The following PAX1 variants were observed in gnomAD, a reference collection of about 807,000 sequenced individuals.
PAX1 encodes paired box protein Pax-1.
Under a neutral mutation model 35.6 loss-of-function variants are expected in PAX1, and 18 were observed. The observed-to-expected ratio is 0.50, with a 90% CI of 0.35 to 0.75. The LOEUF is 0.75. PAX1 is among the 30% of genes least tolerant of loss of function. The pLI is 0.01. For missense variants in PAX1, 760 were observed against 661.5 expected (o/e 1.15, Z -1.63); for synonymous variants, 397 against 305.2 (o/e 1.30, Z -3.14).
At chr20:21,708,391 G>C (rs1985083602) in intron 2 of PAX1, 167 bp from the exon 3 acceptor site, 1 of 818,958 alleles carries the variant, frequency 1.2e-6, no homozygotes. Context: ...GCCCCACCCG[G>C]AGTGGTGAAC....
intron 4 of PAX1, among the ~76,000 whole-genome samples, chr20:21,713,187 T>A (rs901047169): frequency 1.3e-5 from 2 of 152,192 alleles, no homozygotes; most frequent in African/African-American, 4.8e-5. Context: ...CTCAGATGTT[T>A]TCTAAACAGG....
chr20:21,714,161 A>C (rs956247721), intron 4 of PAX1, among the ~76,000 whole-genome samples: 3 of 151,950 alleles, frequency 2.0e-5, no homozygotes, highest in Non-Finnish European at 4.4e-5. Flanking sequence ...TCCTTTACTG[A>C]GCAGGTGGTG....
rs1325215892 is a variant in PAX1, at chr20:21,708,591, C to G, written c.950C>G (p.Ser317Cys). ...ALAGSEGTAYSPKMEDWAGVN... is the reference protein window; with the variant it reads ...ALAGSEGTAYCPKMEDWAGVN... ...GCTGGGAGCGAAGGCACCGCTTACT[C>G]TCCCAAGATGGAAGACTGGGCCGGC... Residue 317 changes from serine (S) to cysteine (C), a missense_variant, in exon 3 of 5, where the codon TCT (serine) becomes TGT (cysteine). Transcript: ENST00000613128. 1 of 1,613,708 alleles carries G rather than the reference C, an allele frequency of 6.2e-7. No homozygotes were observed. Among genetic ancestry groups the G allele is most frequent in the Admixed American group, 1.7e-5 (1 of 60,014 alleles).
Position 21,705,953 on chromosome 20 carries a change from C to A in PAX1, c.241C>A (p.Pro81Thr). 1 of 1,486,960 alleles carries A rather than the reference C, an allele frequency of 6.7e-7. No individual in the cohort carries two copies. The highest frequency in any genetic ancestry group is 8.9e-7 in the Non-Finnish European group (1 of 1,127,324). The allele number at this position is 1,486,960 out of a possible 1,614,324, so 92.1% of individuals were successfully genotyped here. A position where few individuals can be genotyped will look rare whatever the true frequency, so the allele number is the denominator to read the frequency against. ...CTGCGCCGGGCCCAGCCCCGGCCAC[C>A]CCGGCCACCCCGGCGCCAGGCAGCT... The part of the protein sequence containing the change: ...PDCAGPSPGH[P>T]GHPGARQLAG... Residue 81 changes from proline to threonine, a missense_variant, in exon 1 of 5, where the codon CCC (proline) becomes ACC (threonine). This residue lies in a region of PAX1 where 222 missense variants were observed against 153.0 expected (regional missense o/e 1.45). Transcript: ENST00000613128.
chr20:21,710,509 A>T (rs1010737273), intron 4 of PAX1, among the ~76,000 whole-genome samples: 1 of 152,260 alleles, frequency 6.6e-6, no homozygotes, highest in African/African-American at 2.4e-5. Flanking sequence ...TTCCCAGATT[A>T]TAAAAGGATT....
chr20:21,705,805 C>G lies in PAX1; in HGVS notation c.93C>G (p.Ser31Arg), dbSNP rs566925461. ...AAAAGPGAGG[S>R]ALRCRAQRVS... is the part of the protein sequence containing the mutation. ...CGGCAGGCCCTGGAGCGGGCGGCAG[C>G]GCGCTCCGCTGCCGCGCACAGCGCG... is the stretch of plus-strand genomic sequence containing the variant. Residue 31 changes from serine (S) to arginine (R), a missense_variant, in exon 1 of 5, where the codon AGC becomes AGG. By Grantham distance (110) the Ser-to-Arg change is moderately radical. This residue lies in a region of PAX1 where 222 missense variants were observed against 153.0 expected (regional missense o/e 1.45). Transcript: ENST00000613128. 3 of 1,279,702 alleles carry G rather than the reference C, an allele frequency of 2.3e-6. No homozygotes were observed. The African/African-American group carries it at 4.7e-5, about 20-fold the overall frequency. 79.3% of individuals were successfully genotyped at this position (1,279,702 alleles called of 1,614,324 possible).
At chr20:21,708,763 G>C in intron 3 of PAX1, 63 bp downstream of exon 3, 1 of 1,559,306 alleles carries the variant, frequency 6.4e-7, no homozygotes, top group Middle Eastern at 1.7e-4. Context: ...GGGCAAGTGG[G>C]GAAAAAGAGA....
At chr20:21,712,083 A>G (rs1985213227) in intron 4 of PAX1, among the ~76,000 whole-genome samples, 1 of 152,214 alleles carries the variant, frequency 6.6e-6, no homozygotes, top group Non-Finnish European at 1.5e-5. Flanking sequence ...ACCTTTGATC[A>G]CCTAACACAT....
chr20:21,706,932 T>C lies in PAX1; in HGVS notation c.781T>C (p.Ser261Pro). The C allele has an allele frequency of 1.2e-6, 2 of 1,612,638 alleles. No individual in the cohort carries two copies. Among genetic ancestry groups the C allele is most frequent in the Middle Eastern group, 1.7e-4 (1 of 6,058 alleles). The part of the protein sequence containing the change: ...IYQYPYPSPV[S>P]PTGAKMGSHP... ...CCAGTACCCCTACCCCAGTCCCGTG[T>C]CGCCCACGGGCGCCAAGATGGGCAG... is the stretch of plus-strand genomic sequence containing the variant. Residue 261 changes from serine (S) to proline (P), a missense_variant, in exon 2 of 5, where the codon TCG (serine) becomes CCG (proline). Around this residue, in one of 3 missense-constraint regions of PAX1, gnomAD observed 490 missense variants for 428.4 expected, o/e 1.14. Transcript: ENST00000613128. The surrounding 1 kb of genome is among the most constrained non-coding windows in gnomAD (Gnocchi z 5.3).
rs566558409 is a variant in PAX1, at chr20:21,705,983, G to T, written c.271G>T (p.Gly91Cys). The T allele has an allele frequency of 1.1e-5, 16 of 1,482,118 alleles. No homozygotes were observed. The Admixed American group carries it at 1.2e-4, about 11-fold the overall frequency. The allele number at this position is 1,482,118 out of a possible 1,614,324, so 91.8% of individuals were successfully genotyped here. ...CCACCCCGGCGCCAGGCAGCTGGCC[G>T]GCCCGCTCGCTATGGGTAAGGGGCG... ...PGHPGARQLAGPLAMEQTYGE... is the reference protein window; with the variant it reads ...PGHPGARQLACPLAMEQTYGE... Residue 91 changes from glycine (G) to cysteine (C), a missense_variant, in exon 1 of 5, where the codon GGC (glycine) becomes TGC (cysteine). By Grantham distance (159) the Gly-to-Cys change is radical (BLOSUM62 -3). Coordinates refer to ENST00000613128, the MANE Select transcript of PAX1 (RefSeq NM_001257096.2).
intron 4 of PAX1, among the ~76,000 whole-genome samples, chr20:21,710,826 C>A (rs1985177883): frequency 6.6e-6 from 1 of 152,140 alleles, no homozygotes; most frequent in Non-Finnish European, 1.5e-5. Context: ...GTTCACTTGC[C>A]TAGTTACAGA....
Position 21,709,236 on chromosome 20 carries a change from C to G in PAX1, c.1074C>G (p.Leu358=), listed in dbSNP as rs756905147. The G allele has an allele frequency of 5.2e-5, 84 of 1,606,480 alleles. No homozygotes were observed. The highest frequency in any genetic ancestry group is 7.0e-5 in the Non-Finnish European group (82 of 1,179,510). The change falls in exon 4 of 5, where the codon CTC becomes CTG. Residue 358 remains leucine (L), a synonymous_variant. Transcript: ENST00000613128. Reference sequence around the variant, plus strand: ...TATCCCCACAGTCGGCCTCCACCCTCTCTGCCGTGGGCGGCTTTCTCCCCG... The same window carrying G: ...TATCCCCACAGTCGGCCTCCACCCTGTCTGCCGTGGGCGGCTTTCTCCCCG... ...DIKYTQSAST[L]SAVGGFLPAC... is the part of the protein sequence containing the mutation.
Position 21,708,647 on chromosome 20 carries a change from G to A in PAX1, c.1006G>A (p.Ala336Thr). Residue 336 changes from alanine (A) to threonine (T), a missense_variant, in exon 3 of 5, where the codon GCA becomes ACA. Ala to Thr is a moderately conservative substitution (Grantham distance 58, BLOSUM62 0). Around this residue, in one of 3 missense-constraint regions of PAX1, gnomAD observed 490 missense variants for 428.4 expected, o/e 1.14. Transcript: ENST00000613128. Reference protein sequence around the residue: ...VNRTAFPATPAVNGLEKPALE... With the variant: ...VNRTAFPATPTVNGLEKPALE... ...CCGCACGGCCTTCCCCGCCACCCCCGCAGTGAATGGGCTAGAGAAACCTGC... is the reference window on the plus strand; with the variant it reads ...CCGCACGGCCTTCCCCGCCACCCCCACAGTGAATGGGCTAGAGAAACCTGC... 1 of 1,613,594 alleles carries A rather than the reference G, an allele frequency of 6.2e-7. No individual in the cohort carries two copies. The highest frequency in any genetic ancestry group is 1.3e-5 in the African/African-American group (1 of 75,068).
At position 21,706,679 on chromosome 20, in the gene PAX1, C is replaced by G; in HGVS notation, c.528C>G (p.Asn176Lys). ...GCAAGCCCCGCGTCACCACTCCCAA[C>G]GTGGTCAAGCACATCCGGGACTACA... ...GGSKPRVTTP[N>K]VVKHIRDYKQ... Residue 176 changes from asparagine to lysine, a missense_variant, in exon 2 of 5, where the codon AAC (asparagine) becomes AAG (lysine). By Grantham distance (94) the Asn-to-Lys change is moderately conservative (BLOSUM62 0). Around this residue, in one of 3 missense-constraint regions of PAX1, gnomAD observed 490 missense variants for 428.4 expected, o/e 1.14. Transcript: ENST00000613128. This position sits in a 1 kb window ranked among gnomAD's most constrained non-coding sequence, Gnocchi z 5.3. The G allele has an allele frequency of 2.5e-6, 4 of 1,613,106 alleles. No homozygotes were observed. Among genetic ancestry groups the G allele is most frequent in the Non-Finnish European group, 3.4e-6 (4 of 1,180,036 alleles).
chr20:21,708,593 C>T lies in PAX1; in HGVS notation c.952C>T (p.Pro318Ser), dbSNP rs748686130. Reference protein sequence around the residue: ...LAGSEGTAYSPKMEDWAGVNR... With the variant: ...LAGSEGTAYSSKMEDWAGVNR... The stretch of plus-strand genomic sequence containing the variant: ...TGGGAGCGAAGGCACCGCTTACTCT[C>T]CCAAGATGGAAGACTGGGCCGGCGT... Residue 318 changes from proline (P) to serine (S), a missense_variant, in exon 3 of 5, where the codon CCC becomes TCC. Pro to Ser is a moderately conservative substitution (Grantham distance 74). This residue lies in a region of PAX1 where 490 missense variants were observed against 428.4 expected (regional missense o/e 1.14). Coordinates refer to ENST00000613128, the MANE Select transcript of PAX1 (RefSeq NM_001257096.2). 1 of 1,613,830 alleles carries T rather than the reference C, an allele frequency of 6.2e-7. No homozygotes were observed. The highest frequency in any genetic ancestry group is 8.5e-7 in the Non-Finnish European group (1 of 1,180,028).
chr20:21,714,845 C>T lies in PAX1; in HGVS notation c.*283C>T, dbSNP rs985153770. The T allele has an allele frequency of 1.3e-6, 2 of 1,519,896 alleles. No individual in the cohort carries two copies. The highest frequency in any genetic ancestry group is 2.7e-5 in the African/African-American group (2 of 73,342). 94.2% of individuals were successfully genotyped at this position (1,519,896 alleles called of 1,614,324 possible). On this transcript the variant is annotated 3_prime_UTR_variant, in exon 5 of 5. Coordinates refer to ENST00000613128, the MANE Select transcript of PAX1 (RefSeq NM_001257096.2). ...CACAATCCTTGCTCTGACGTGGCCT[C>T]CTTCGCTCTGCCAGCTTCAAATTTC...
chr20:21,712,759 AGCACTAGGTCGCTGGCATTGTC>A (rs1238730541), intron 4 of PAX1, among the ~76,000 whole-genome samples: 1 of 152,210 alleles, frequency 6.6e-6, no homozygotes, highest in Non-Finnish European at 1.5e-5. Flanking sequence ...TTTGTCAAAG[AGCACTAGGTCGCTGGCATTGTC>A]GCACCCGGAC....
Position 21,715,740 on chromosome 20 carries a change from GT to G in PAX1, c.*1181del, listed in dbSNP as rs1386638143. The G allele has an allele frequency of 6.6e-6, 1 of 152,418 alleles. No homozygotes were observed. 9.4% of individuals were successfully genotyped at this position (152,418 alleles called of 1,614,324 possible). On this transcript the variant is annotated 3_prime_UTR_variant, in exon 5 of 5. Transcript: ENST00000613128. ...GTACAAAGGTTCATTTGGACTTCTG[GT>G]TTGCAAGGGATGAGGGTTAAAAAAA...
rs746556917 is a variant in PAX1, at chr20:21,706,531, C to A, written c.380C>A (p.Ala127Glu). ...NAIRLRIVELAQLGIRPCDIS... is the reference protein window; with the variant it reads ...NAIRLRIVELEQLGIRPCDIS... ...ATCCGCTTGCGCATTGTGGAGCTGGCGCAGCTGGGCATCCGACCCTGTGAC... is the reference window on the plus strand; with the variant it reads ...ATCCGCTTGCGCATTGTGGAGCTGGAGCAGCTGGGCATCCGACCCTGTGAC... The change falls in exon 2 of 5, where the codon GCG becomes GAG. Residue 127 changes from alanine (A) to glutamate (E), a missense_variant. Ala to Glu is a moderately radical substitution (Grantham distance 107). Coordinates refer to ENST00000613128, the MANE Select transcript of PAX1 (RefSeq NM_001257096.2). This position sits in a 1 kb window ranked among gnomAD's most constrained non-coding sequence, Gnocchi z 5.3. 3 of 1,612,244 alleles carry A rather than the reference C, an allele frequency of 1.9e-6. No homozygotes were observed. Among genetic ancestry groups the A allele is most frequent in the Non-Finnish European group, 2.5e-6 (3 of 1,179,976 alleles).
Sources: gnomAD v4.1 joint callset for allele counts (sites outside exome capture counted in the v4.1 genomes callset) on GRCh38, gnomAD v4.1.1 for gene constraint, gnomAD v4.1.1 regional missense constraint, Gnocchi (gnomAD v3.1) non-coding constraint, MANE v1.5 for transcripts, NCBI Gene and HGNC (gene_info 2026-07-23, HGNC 2026-07-21) for gene names.